Variants in DGKI observed in about 807,000 individuals in gnomAD.
DGKI encodes DAG kinase iota.
Under a neutral mutation model 147.5 loss-of-function variants are expected in DGKI, and 55 were observed. That is an observed-to-expected ratio of 0.37 (90% CI 0.30 to 0.47). The LOEUF is 0.47. Among genes scored for constraint, DGKI ranks in the 20% least tolerant of loss-of-function variants. The pLI is 1.00. For synonymous variants in DGKI, 469 were observed against 477.1 expected, an observed-to-expected ratio of 0.98 and a Z score of 0.22; for missense variants, 1,007 against 1,323.8, an observed-to-expected ratio of 0.76 and a Z score of 3.71.
At chr7:137,663,750 G>T (rs577788992) in intron 3 of DGKI, among the ~76,000 whole-genome samples, 1 of 152,132 alleles carries the variant, frequency 6.6e-6, no homozygotes, top group Non-Finnish European at 1.5e-5. Context: ...GAAGCCATGG[G>T]GTTCAAAATT....
At chr7:137,438,028 T>G (rs2128914468) in intron 28 of DGKI, among the ~76,000 whole-genome samples, 1 of 152,210 alleles carries the variant, frequency 6.6e-6, no homozygotes, top group South Asian at 2.1e-4. Flanking sequence ...AAAGATTTCT[T>G]TAAAAAATAC....
intron 1 of DGKI, among the ~76,000 whole-genome samples, chr7:137,833,733 T>C (rs936135510): frequency 6.6e-6 from 1 of 152,136 alleles, no homozygotes; most frequent in Admixed American, 6.5e-5. Flanking sequence ...GCTCAAGTCA[T>C]ACACTTGCCC....
intron 21 of DGKI, among the ~76,000 whole-genome samples, chr7:137,497,037 A>AAATATTGCAAATAATGC (rs1815991492): frequency 6.6e-6 from 1 of 152,172 alleles, no homozygotes; most frequent in Non-Finnish European, 1.5e-5. Context: ...AGAATGGAAG[A>AAATATTGCAAATAATGC]AAATATTTGC....
intron 29 of DGKI, among the ~76,000 whole-genome samples, chr7:137,411,707 C>T (rs2128901005): frequency 6.6e-6 from 1 of 152,290 alleles, no homozygotes; most frequent in African/African-American, 2.4e-5. Context: ...ACAAATTAAA[C>T]TATTCCAAGG....
intron 1 of DGKI, among the ~76,000 whole-genome samples, chr7:137,779,710 A>T (rs62490511): frequency 0.073 from 11,080 of 152,264 alleles, 582 homozygotes; most frequent in Non-Finnish European, 0.11. Flanking sequence ...CAGCTGCACA[A>T]AACAGACTAA....
chr7:137,755,652 C>T (rs933485586), intron 1 of DGKI, among the ~76,000 whole-genome samples: 2 of 152,168 alleles, frequency 1.3e-5, no homozygotes, highest in African/African-American at 4.8e-5. Flanking sequence ...TCCAAAAGCC[C>T]CACCAACAGG....
intron 1 of DGKI, among the ~76,000 whole-genome samples, chr7:137,768,493 A>C (rs1057391248): frequency 6.6e-6 from 1 of 152,188 alleles, no homozygotes; most frequent in African/African-American, 2.4e-5. Context: ...GACTCTCAAG[A>C]AGCAGCTTCT....
intron 27 of DGKI, 140 bp downstream of exon 27, chr7:137,463,349 A>G (rs1814523519): frequency 1.6e-6 from 2 of 1,230,666 alleles, no homozygotes; most frequent in East Asian, 4.7e-5. Context: ...GCATGGAATG[A>G]AAACACAGAG....
intron 17 of DGKI, 132 bp from the exon 18 acceptor site, chr7:137,572,970 C>T (rs954023682): frequency 1.3e-5 from 8 of 594,964 alleles, no homozygotes; most frequent in Middle Eastern, 3.7e-4. Flanking sequence ...AAGTGAATGC[C>T]GGTCACAGTG....
intron 28 of DGKI, among the ~76,000 whole-genome samples, chr7:137,434,693 A>C (rs991314377): frequency 6.6e-6 from 1 of 152,172 alleles, no homozygotes; most frequent in African/African-American, 2.4e-5. Context: ...TTCCAGAAAA[A>C]CCAGAACAAT....
chr7:137,697,931 T>A (rs959378474), intron 1 of DGKI, among the ~76,000 whole-genome samples: 2 of 151,798 alleles, frequency 1.3e-5, no homozygotes, highest in African/African-American at 4.8e-5. Context: ...TATATCTATA[T>A]GTATATATAG....
chr7:137,594,807 T>C (rs919795027), intron 12 of DGKI, among the ~76,000 whole-genome samples: 1 of 152,190 alleles, frequency 6.6e-6, no homozygotes, highest in Non-Finnish European at 1.5e-5. Context: ...TGACAAACAT[T>C]TCATATACCC....
intron 1 of DGKI, among the ~76,000 whole-genome samples, chr7:137,736,725 T>C (rs1206944483): frequency 3.3e-5 from 5 of 152,084 alleles, no homozygotes; most frequent in Non-Finnish European, 7.4e-5. Flanking sequence ...AAAAATAGCA[T>C]AATTTAATCA....
chr7:137,428,221 T>C (rs1249552056), intron 28 of DGKI, among the ~76,000 whole-genome samples: 4 of 150,928 alleles, frequency 2.7e-5, no homozygotes, highest in Non-Finnish European at 4.4e-5. Flanking sequence ...GTGGGCTTCA[T>C]CCCTGGGATG....
intron 1 of DGKI, among the ~76,000 whole-genome samples, chr7:137,830,002 A>G (rs1481376343): frequency 6.6e-6 from 1 of 152,146 alleles, no homozygotes; most frequent in Non-Finnish European, 1.5e-5. Flanking sequence ...GGAAGGAGGG[A>G]CAGATGGATG....
chr7:137,445,063 T>C (rs985254185), intron 27 of DGKI, among the ~76,000 whole-genome samples: 3 of 152,174 alleles, frequency 2.0e-5, no homozygotes, highest in Non-Finnish European at 4.4e-5. Flanking sequence ...ACTCAGGAGT[T>C]TGGCAATAGA....
intron 30 of DGKI, among the ~76,000 whole-genome samples, chr7:137,404,789 T>G (rs1811879756): frequency 6.6e-6 from 1 of 151,700 alleles, no homozygotes; most frequent in South Asian, 2.1e-4. Context: ...AAGACTGAAT[T>G]CCTTTGTGTC....
Position 137,664,865 on chromosome 7 carries a change from G to C in DGKI, c.607-8325C>G, listed in dbSNP as rs190558144. On this transcript the variant is annotated intron_variant, in intron 3 of 32. Coordinates refer to ENST00000614521, the MANE Select transcript of DGKI (RefSeq NM_001321708.2). ...CTAAAAAGAAAATTAAAGAGAGAAA[G>C]GGAGATAAGAAACATCAAGAGTAGC... is the stretch of plus-strand genomic sequence containing the variant. Among the ~76,000 whole-genome samples, 14 of 152,262 alleles carry C rather than the reference G, an allele frequency of 9.2e-5. No homozygotes were observed. The East Asian group carries it at 1.9e-3, about 21-fold the overall frequency.
chr7:137,454,031 T>C (rs1814084758), intron 27 of DGKI, among the ~76,000 whole-genome samples: 1 of 152,156 alleles, frequency 6.6e-6, no homozygotes, highest in African/African-American at 2.4e-5. Flanking sequence ...TAATTACAGT[T>C]CAGCAGACTA....
Sources: allele counts gnomAD v4.1 joint callset (sites outside exome capture counted in the v4.1 genomes callset), GRCh38; gene constraint gnomAD v4.1.1; transcripts MANE v1.5; gene names NCBI Gene and HGNC (gene_info 2026-07-23, HGNC 2026-07-21).